PGD: variants seen among roughly 807,000 people sequenced by gnomAD.
PGD encodes phosphogluconate dehydrogenase.
A neutral mutation model predicts 60.4 loss-of-function variants in PGD; 21 were observed. That is an observed-to-expected ratio of 0.35 (90% confidence interval 0.25 to 0.50). PGD has a LOEUF of 0.50. Among genes scored for constraint, PGD ranks in the 20% least tolerant of loss-of-function variants. PGD has a pLI of 0.98. For missense variants in PGD, 477 were observed against 613.1 expected, an observed-to-expected ratio of 0.78 and a Z score of 2.34; for synonymous variants, 230 against 235.9, an observed-to-expected ratio of 0.97 and a Z score of 0.23.
chr1:10,403,331 C>T (rs1639346570), intron 4 of PGD, among the ~76,000 whole-genome samples, 195 bp downstream of exon 4: 1 of 151,974 alleles, frequency 6.6e-6, no homozygotes, highest in Non-Finnish European at 1.5e-5. Flanking sequence ...GTGGCTCACA[C>T]CTGTAATCCC....
intron 8 of PGD, chr1:10,415,153 A>C (rs1639573943): frequency 6.6e-6 from 1 of 151,330 alleles, no homozygotes; most frequent in African/African-American, 2.4e-5. Context: ...GCTCCTCTGG[A>C]TACAGGTTGC....
At chr1:10,409,145 A>G (rs192614587) in intron 6 of PGD, among the ~76,000 whole-genome samples, 37 of 152,344 alleles carry the variant, frequency 2.4e-4, no homozygotes, top group African/African-American at 8.9e-4. Context: ...TTAATTTTAT[A>G]TCAGCAATTT....
At chr1:10,399,565 C>T (rs950583409) in intron 1 of PGD, 64 bp from the exon 2 acceptor site, 5 of 1,420,356 alleles carry the variant, frequency 3.5e-6, no homozygotes, top group African/African-American at 1.4e-5. Flanking sequence ...AAGGACCGGA[C>T]CCCTGGGTTG....
At chr1:10,399,755 C>A in intron 2 of PGD, 51 bp downstream of exon 2, 1 of 1,499,470 alleles carries the variant, frequency 6.7e-7, no homozygotes, top group Non-Finnish European at 9.3e-7. Flanking sequence ...GCGCTTTAGC[C>A]GAGGCCGGCG....
intron 8 of PGD, 77 bp downstream of exon 8, chr1:10,413,328 T>A (rs774013900): frequency 2.3e-6 from 3 of 1,303,264 alleles, no homozygotes; most frequent in Non-Finnish European, 3.2e-6. Context: ...TACAGACTGG[T>A]CTTTAGAGAA....
chr1:10,403,156 G>C lies in PGD; in HGVS notation c.330+20G>C. 6.5e-7 allele frequency: 1 copy of C among 1,543,646 alleles called. No homozygotes were observed. Among genetic ancestry groups the C allele is most frequent in the South Asian group, 1.1e-5 (1 of 89,510 alleles). On this transcript the variant is annotated intron_variant, in intron 4 of 12. Transcript: ENST00000270776. Reference sequence around the variant, plus strand: ...ACCACAGTAAGTGTTCTTCAGTCCAGATTCTTCCAGGTTCCGAGAACATTC... The same window carrying C: ...ACCACAGTAAGTGTTCTTCAGTCCACATTCTTCCAGGTTCCGAGAACATTC...
chr1:10,417,172 G>A (rs1639610641), intron 9 of PGD, 55 bp downstream of exon 9: 3 of 1,598,500 alleles, frequency 1.9e-6, no homozygotes, highest in East Asian at 4.5e-5. Context: ...GGCAGTGGGG[G>A]TGGGGGTTGT....
chr1:10,400,280 C>T (rs1440547654), intron 2 of PGD, 113 bp from the exon 3 acceptor site: 1 of 728,984 alleles, frequency 1.4e-6, no homozygotes, highest in African/African-American at 1.8e-5. Flanking sequence ...AAGGCAAAGG[C>T]AGGTCTGACC....
At position 10,417,193 on chromosome 1, in the gene PGD, C is replaced by G. The variant is rs1429720752; in HGVS notation, c.975+76C>G. ...GGGGGTGGGGGTTGTGGTGGGAGAA[C>G]ACTCGAGGCCACAGGATGGCAGGTG... On this transcript the variant is annotated intron_variant, in intron 9 of 12. Coordinates refer to ENST00000270776, the MANE Select transcript of PGD (RefSeq NM_002631.4). The G allele has an allele frequency of 4.9e-5, 75 of 1,529,920 alleles. No individual in the cohort carries two copies. The Middle Eastern group carries it at 1.4e-3, about 28-fold the overall frequency. 94.8% of individuals were successfully genotyped at this position (1,529,920 alleles called of 1,614,324 possible). A position where few individuals can be genotyped will look rare whatever the true frequency, so the allele number is the denominator to read the frequency against.
In PGD at chr1:10,419,473, T is replaced by C; in HGVS notation, c.1266T>C (p.Cys422=). The change falls in exon 12 of 13, where the codon TGT becomes TGC. Residue 422 remains cysteine (C), a synonymous_variant. Coordinates refer to ENST00000270776, the MANE Select transcript of PGD (RefSeq NM_002631.4). ...TCCAGGCTGGCATTCCCATGCCCTG[T>C]TTTACCACTGCCCTCTCCTTCTATG... ...TGVQAGIPMP[C]FTTALSFYDG... 6.2e-7 allele frequency: 1 copy of C among 1,614,144 alleles called. No individual in the cohort carries two copies. The highest frequency in any genetic ancestry group is 8.5e-7 in the Non-Finnish European group (1 of 1,180,030).
Sources: allele counts gnomAD v4.1 joint callset (sites outside exome capture counted in the v4.1 genomes callset), GRCh38; gene constraint gnomAD v4.1.1; transcripts MANE v1.5; gene names NCBI Gene and HGNC (gene_info 2026-07-23, HGNC 2026-07-21).